EHBP1: variants seen among roughly 807,000 people sequenced by gnomAD.
EHBP1 encodes EH domain binding protein 1, also known as EH domain-binding protein 1.
A neutral mutation model predicts 144.0 loss-of-function variants in EHBP1; 55 were observed. That is an observed-to-expected ratio of 0.38 (90% CI 0.31 to 0.48). The LOEUF is 0.48. Ranked by LOEUF, EHBP1 falls within the 20% of genes least tolerant of loss-of-function variation. EHBP1 has a pLI of 0.98. For missense variants in EHBP1, 1,200 were observed against 1,364.2 expected (o/e 0.88, Z 1.90); for synonymous variants, 469 against 472.7 (o/e 0.99, Z 0.10).
chr2:62,795,770 A>G (rs889026823), intron 5 of EHBP1, among the ~76,000 whole-genome samples: 16 of 152,020 alleles, frequency 1.1e-4, no homozygotes, highest in African/African-American at 3.9e-4. Context: ...AAGTAATTGT[A>G]TTTTGTTTTG....
chr2:62,995,413 G>T (rs1021769180), intron 18 of EHBP1, among the ~76,000 whole-genome samples: 1 of 151,944 alleles, frequency 6.6e-6, no homozygotes, highest in East Asian at 1.9e-4. Context: ...AGTTCAAAAG[G>T]TATGTAAGTT....
At chr2:63,007,378 A>G (rs892275900) in intron 19 of EHBP1, among the ~76,000 whole-genome samples, 3 of 151,838 alleles carry the variant, frequency 2.0e-5, no homozygotes, top group Admixed American at 2.0e-4. Context: ...TGACTTTTTC[A>G]TTCTTTCTGT....
chr2:63,015,896 C>G (rs1380982565), intron 19 of EHBP1, among the ~76,000 whole-genome samples: 1 of 152,044 alleles, frequency 6.6e-6, no homozygotes, highest in Admixed American at 6.6e-5. Context: ...CAGTTGACAT[C>G]TACTCATATA....
At chr2:62,690,740 C>T (rs2033878997) in intron 1 of EHBP1, among the ~76,000 whole-genome samples, 1 of 151,934 alleles carries the variant, frequency 6.6e-6, no homozygotes, top group African/African-American at 2.4e-5. Context: ...CTTAACTAAC[C>T]ATATGGATTT....
chr2:62,805,475 T>C (rs1218005582), intron 5 of EHBP1, among the ~76,000 whole-genome samples: 1 of 151,382 alleles, frequency 6.6e-6, no homozygotes, highest in Admixed American at 6.6e-5. Context: ...TTTCTTTTTT[T>C]TTTTTTTTTT....
chr2:62,686,117 TC>T (rs1366652860), intron 1 of EHBP1, among the ~76,000 whole-genome samples: 2 of 152,164 alleles, frequency 1.3e-5, no homozygotes, highest in African/African-American at 4.8e-5. Context: ...CTCCTGTTGC[TC>T]ATACAAACCA....
intron 14 of EHBP1, among the ~76,000 whole-genome samples, chr2:62,975,489 C>T (rs2058670441): frequency 6.6e-6 from 1 of 152,184 alleles, no homozygotes; most frequent in Non-Finnish European, 1.5e-5. Flanking sequence ...CCCCATCGGA[C>T]ATTTACCTAA....
chr2:62,837,438 G>A (rs1483114000), intron 7 of EHBP1, among the ~76,000 whole-genome samples: 1 of 150,684 alleles, frequency 6.6e-6, no homozygotes, highest in African/African-American at 2.4e-5. Context: ...CAACTAACAA[G>A]CAAAATCACC....
At chr2:63,009,967 ATC>A (rs1206517531) in intron 19 of EHBP1, among the ~76,000 whole-genome samples, 1 of 151,456 alleles carries the variant, frequency 6.6e-6, no homozygotes, top group Non-Finnish European at 1.5e-5. Context: ...TGTAAATGTA[ATC>A]TCTCCCCTCT....
chr2:62,840,343 A>T (rs1162986448), intron 7 of EHBP1, among the ~76,000 whole-genome samples: 1 of 128,546 alleles, frequency 7.8e-6, no homozygotes, highest in South Asian at 2.4e-4. Context: ...TCAATTCAAG[A>T]TGGATTAAAG....
chr2:62,685,395 G>A (rs2033684656), intron 1 of EHBP1, among the ~76,000 whole-genome samples: 1 of 152,108 alleles, frequency 6.6e-6, no homozygotes, highest in Non-Finnish European at 1.5e-5. Flanking sequence ...GGGAGAGTCT[G>A]TTTCATGCCC....
At chr2:62,999,153 A>G (rs1354775588) in intron 19 of EHBP1, among the ~76,000 whole-genome samples, 1 of 152,158 alleles carries the variant, frequency 6.6e-6, no homozygotes, top group African/African-American at 2.4e-5. Context: ...CTCACTTAAG[A>G]TGATCTCATT....
intron 8 of EHBP1, among the ~76,000 whole-genome samples, chr2:62,864,437 T>C (rs939152826): frequency 2.0e-5 from 3 of 152,198 alleles, no homozygotes; most frequent in Non-Finnish European, 2.9e-5. Flanking sequence ...CATATCATAA[T>C]GTTAATACTG....
chr2:62,817,772 G>A (rs2045555040), intron 5 of EHBP1, among the ~76,000 whole-genome samples: 1 of 151,580 alleles, frequency 6.6e-6, no homozygotes, highest in Non-Finnish European at 1.5e-5. Flanking sequence ...GTGTTCAGAG[G>A]GAGGGGTGGT....
chr2:62,765,322 A>T (rs1053891722), intron 4 of EHBP1, among the ~76,000 whole-genome samples: 4 of 152,170 alleles, frequency 2.6e-5, no homozygotes, highest in African/African-American at 7.2e-5. Flanking sequence ...TATTTTAGGG[A>T]TAATACATTA....
At chr2:62,784,719 T>C (rs2042688898) in intron 5 of EHBP1, among the ~76,000 whole-genome samples, 1 of 152,184 alleles carries the variant, frequency 6.6e-6, no homozygotes, top group South Asian at 2.1e-4. Flanking sequence ...TACAGCTTTA[T>C]ACCCAAAGTG....
At chr2:62,691,538 A>G (rs535782293) in intron 1 of EHBP1, among the ~76,000 whole-genome samples, 1 of 152,214 alleles carries the variant, frequency 6.6e-6, no homozygotes, top group South Asian at 2.1e-4. Context: ...TGGGGTTTTT[A>G]TTTCTAGAGA....
chr2:62,917,721 T>A (rs2054750152), intron 10 of EHBP1, among the ~76,000 whole-genome samples: 2 of 152,206 alleles, frequency 1.3e-5, no homozygotes, highest in African/African-American at 4.8e-5. Flanking sequence ...ATTGCATGGC[T>A]AAATCATGCT....
upstream of EHBP1, among the ~76,000 whole-genome samples, chr2:62,703,502 G>A (rs1333939184): frequency 6.6e-6 from 1 of 152,154 alleles, no homozygotes; most frequent in African/African-American, 2.4e-5. Flanking sequence ...GCTCTGTAGG[G>A]CCTCCAGGAG....
Sources: allele counts gnomAD v4.1 joint callset (sites outside exome capture counted in the v4.1 genomes callset), GRCh38; gene constraint gnomAD v4.1.1; transcripts MANE v1.5; gene names NCBI Gene and HGNC (gene_info 2026-07-23, HGNC 2026-07-21).